EIF2B5: variants seen among roughly 807,000 people sequenced by gnomAD.
The protein encoded by EIF2B5 is translation initiation factor eIF2B subunit epsilon.
In EIF2B5, 38 loss-of-function variants were observed where a neutral mutation model predicts 87.3. The ratio of observed to expected loss-of-function variants is 0.44; its 90% confidence interval spans 0.34 to 0.57. EIF2B5 has a LOEUF of 0.57. Among genes scored for constraint, EIF2B5 ranks in the 20% least tolerant of loss-of-function variants. EIF2B5 has a pLI of 0.02. For missense variants in EIF2B5, 784 were observed against 909.5 expected (o/e 0.86, Z 1.78); for synonymous variants, 313 against 339.6 (o/e 0.92, Z 0.86).
Position 184,144,668 on chromosome 3 carries a change from T to TA in EIF2B5, c.2068dup (p.Thr690AsnfsTer3). 4 of 1,614,112 alleles carry TA rather than the reference T, an allele frequency of 2.5e-6. No homozygotes were observed. The highest frequency in any genetic ancestry group is 3.4e-6 in the Non-Finnish European group (4 of 1,180,008). ...TTCTGAGCTGGTTCAGCCAAAGAGATACAACTGACAAGGGCCAGCAGTTGC... is the reference window on the plus strand; with the variant it reads ...TTCTGAGCTGGTTCAGCCAAAGAGATAACAACTGACAAGGGCCAGCAGTTGC... On this transcript the variant is annotated frameshift_variant, in exon 15 of 16. Coordinates refer to ENST00000648915, the MANE Select transcript of EIF2B5 (RefSeq NM_003907.3). LOFTEE classifies it high-confidence loss of function.
intron 7 of EIF2B5, among the ~76,000 whole-genome samples, chr3:184,141,530 T>C (rs567825124): frequency 3.3e-5 from 5 of 152,142 alleles, no homozygotes; most frequent in Admixed American, 3.3e-4. Flanking sequence ...ATCATACTAC[T>C]GCACTCCAGC....
intron 5 of EIF2B5, among the ~76,000 whole-genome samples, chr3:184,139,501 G>C (rs1489942323): frequency 2.0e-5 from 3 of 146,810 alleles, no homozygotes; most frequent in Non-Finnish European, 4.5e-5. Flanking sequence ...GGCTGGTCTC[G>C]AACTCCCAAC....
rs777430269 is a variant in EIF2B5, at chr3:184,138,261, G to A, written c.765+15G>A. On this transcript the variant is annotated intron_variant, in intron 5 of 15. Coordinates refer to ENST00000648915, the MANE Select transcript of EIF2B5 (RefSeq NM_003907.3). ...GTTCTCCTCAGGTGAGCTCTTTAGG[G>A]CTGGGGCTGCACACCCAAAGAGTAG... The A allele has an allele frequency of 6.2e-7, 1 of 1,612,044 alleles. No homozygotes were observed. The highest frequency in any genetic ancestry group is 8.5e-7 in the Non-Finnish European group (1 of 1,178,962).
chr3:184,142,856 G>C lies in EIF2B5; in HGVS notation c.1624G>C (p.Gly542Arg). 1 of 1,614,046 alleles carries C rather than the reference G, an allele frequency of 6.2e-7. No homozygotes were observed. The highest frequency in any genetic ancestry group is 2.2e-5 in the East Asian group (1 of 44,886). Residue 542 changes from glycine (G) to arginine (R), a missense_variant, in exon 11 of 16, where the codon GGA becomes CGA. Physicochemically the swap from Gly to Arg is moderately radical, Grantham distance 125 (BLOSUM62 -2). This residue lies in a region of EIF2B5 where 660 missense variants were observed against 789.5 expected (regional missense o/e 0.84). Coordinates refer to ENST00000648915, the MANE Select transcript of EIF2B5 (RefSeq NM_003907.3). This position sits in a 1 kb window ranked among gnomAD's most constrained non-coding sequence, Gnocchi z 5.0. ...SMDSEEPDSR[G>R]GSPQMDDIKV... ...GGATTCTGAGGAGCCGGACAGCCGG[G>C]GAGGCTCCCCTCAGATGGATGACAT...
rs768424049 is a variant in EIF2B5 at position 184,135,382 on chromosome 3, G to A, written c.-4G>A. On this transcript the variant is annotated 5_prime_UTR_variant, in exon 1 of 16. Transcript: ENST00000648915. Reference sequence around the variant, plus strand: ...TGCGGAAGTGGTGACCGTGAGAGAAGAAGATGGCGGCCCCTGTAGTGGCGC... The same window carrying A: ...TGCGGAAGTGGTGACCGTGAGAGAAAAAGATGGCGGCCCCTGTAGTGGCGC... 2 of 1,575,790 alleles carry A rather than the reference G, an allele frequency of 1.3e-6. No individual in the cohort carries two copies. The highest frequency in any genetic ancestry group is 2.3e-5 in the East Asian group (1 of 43,830).
At position 184,140,063 on chromosome 3, in the gene EIF2B5, C is replaced by T; in HGVS notation, c.766-17C>T. The stretch of plus-strand genomic sequence containing the variant: ...GAATAGTACTTAATTCTAGCCCACT[C>T]CACTTCCCTTCCACAGGTGGCACAA... On this transcript the variant is annotated splice_polypyrimidine_tract_variant and intron_variant, in intron 5 of 15. Coordinates refer to ENST00000648915, the MANE Select transcript of EIF2B5 (RefSeq NM_003907.3). 6.2e-7 allele frequency: 1 copy of T among 1,605,810 alleles called. No homozygotes were observed. Among genetic ancestry groups the T allele is most frequent in the Middle Eastern group, 1.7e-4 (1 of 6,006 alleles).
intron 5 of EIF2B5, among the ~76,000 whole-genome samples, chr3:184,139,298 T>TTG (rs1713512840): frequency 7.2e-6 from 1 of 139,652 alleles, no homozygotes; most frequent in Non-Finnish European, 1.5e-5. Context: ...TTTTTTTTTT[T>TTG]GAGTCGGAGT....
rs751795344 is a variant in EIF2B5 at position 184,140,685 on chromosome 3, A to C, written c.1111A>C (p.Asn371His). 2.5e-6 allele frequency: 4 copies of C among 1,614,142 alleles called. No individual in the cohort carries two copies. The South Asian group carries it at 4.4e-5, about 18-fold the overall frequency. Reference sequence around the variant, plus strand: ...GGGCTCTGGCACTGTCATTGGCAGCAATTGCTTTATCACCAACAGTGTCAT... The same window carrying C: ...GGGCTCTGGCACTGTCATTGGCAGCCATTGCTTTATCACCAACAGTGTCAT... ...LLGSGTVIGS[N>H]CFITNSVIGP... The change falls in exon 7 of 16, where the codon AAT becomes CAT. Residue 371 changes from asparagine to histidine, a missense_variant. Physicochemically the swap from Asn to His is moderately conservative, Grantham distance 68. This residue lies in a region of EIF2B5 where 660 missense variants were observed against 789.5 expected (regional missense o/e 0.84). Transcript: ENST00000648915.
At chr3:184,138,401 G>A (rs1224638928) in intron 5 of EIF2B5, among the ~76,000 whole-genome samples, 155 bp downstream of exon 5, 3 of 152,102 alleles carry the variant, frequency 2.0e-5, no homozygotes, top group African/African-American at 7.2e-5. Context: ...CTGTTGCCCA[G>A]GCTGGAGTGC....
At chr3:184,143,649 A>T in intron 13 of EIF2B5, 84 bp downstream of exon 13, 1 of 1,600,922 alleles carries the variant, frequency 6.2e-7, no homozygotes, top group Non-Finnish European at 8.5e-7. Flanking sequence ...TATTGGGTGT[A>T]TGTCACTTCT....
intron 5 of EIF2B5, chr3:184,138,924 A>G: frequency 3.6e-6 from 1 of 280,438 alleles, no homozygotes; most frequent in Non-Finnish European, 7.1e-6. Flanking sequence ...AGCCTTCCAA[A>G]ATGCTGGGAT....
chr3:184,140,417 G>C lies in EIF2B5; in HGVS notation c.844-1G>C. 6.2e-7 allele frequency: 1 copy of C among 1,614,076 alleles called. No individual in the cohort carries two copies. The highest frequency in any genetic ancestry group is 8.5e-7 in the Non-Finnish European group (1 of 1,180,016). On this transcript the variant is annotated splice_acceptor_variant, in intron 6 of 15. Transcript: ENST00000648915. LOFTEE classifies it high-confidence loss of function. ...GTGACCTCCCTTTCCTTCTCATTCA[G>C]ATCCTAGGGAACCAGATCCACATGC...
At position 184,137,802 on chromosome 3, in the gene EIF2B5, A is replaced by T; in HGVS notation, c.503A>T (p.His168Leu). 6.2e-7 allele frequency: 1 copy of T among 1,614,216 alleles called. No individual in the cohort carries two copies. Among genetic ancestry groups the T allele is most frequent in the Non-Finnish European group, 8.5e-7 (1 of 1,180,048 alleles). The change falls in exon 3 of 16, where the codon CAC (histidine) becomes CTC (leucine). Residue 168 changes from histidine (H) to leucine (L), a missense_variant. By Grantham distance (99) the His-to-Leu change is moderately conservative. Coordinates refer to ENST00000648915, the MANE Select transcript of EIF2B5 (RefSeq NM_003907.3). Reference protein sequence around the residue: ...NINITRALEEHRLRRKLEKNV... With the variant: ...NINITRALEELRLRRKLEKNV... ...AATATCACCAGAGCCCTTGAGGAACACAGGTCAGGATGGGAAAATGACAGG... is the reference window on the plus strand; with the variant it reads ...AATATCACCAGAGCCCTTGAGGAACTCAGGTCAGGATGGGAAAATGACAGG...
At chr3:184,135,885 C>A (rs1409449605) in intron 1 of EIF2B5, 2 of 457,082 alleles carry the variant, frequency 4.4e-6, no homozygotes, top group African/African-American at 4.0e-5. Flanking sequence ...GAGGCTGCGC[C>A]GCTTTTAACC....
rs773399834 is a variant in EIF2B5 at position 184,135,456 on chromosome 3, C to G, written c.71C>G (p.Pro24Arg). 9 of 1,580,138 alleles carry G rather than the reference C, an allele frequency of 5.7e-6. No individual in the cohort carries two copies. Among genetic ancestry groups the G allele is most frequent in the African/African-American group, 1.3e-5 (1 of 74,776 alleles). The change falls in exon 1 of 16, where the codon CCG becomes CGG. Residue 24 changes from proline to arginine, a missense_variant. Around this residue, in one of 3 missense-constraint regions of EIF2B5, gnomAD observed 117 missense variants for 101.0 expected, o/e 1.16. Coordinates refer to ENST00000648915, the MANE Select transcript of EIF2B5 (RefSeq NM_003907.3). ...GCTAACAAGCGCAGCGGCGCGGGGC[C>G]GGGAGGCAGCGGTGGCGGGGGAGCC... Reference protein sequence around the residue: ...SRANKRSGAGPGGSGGGGARG... With the variant: ...SRANKRSGAGRGGSGGGGARG...
chr3:184,144,848 C>A, intron 15 of EIF2B5, 36 bp from the exon 16 acceptor site: 1 of 1,609,990 alleles, frequency 6.2e-7, no homozygotes, highest in South Asian at 1.1e-5. Context: ...GTTATGTGCA[C>A]CTCCCCCAGC....
Position 184,142,804 on chromosome 3 carries a change from GAGTGAA to G in EIF2B5, c.1584_1589del (p.Ser529_Glu530del), listed in dbSNP as rs1312792164. 2 of 1,613,932 alleles carry G rather than the reference GAGTGAA, an allele frequency of 1.2e-6. No homozygotes were observed. The highest frequency in any genetic ancestry group is 8.5e-7 in the Non-Finnish European group (1 of 1,180,010). On this transcript the variant is annotated inframe_deletion, in exon 11 of 16. Coordinates refer to ENST00000648915, the MANE Select transcript of EIF2B5 (RefSeq NM_003907.3). This position sits in a 1 kb window ranked among gnomAD's most constrained non-coding sequence, Gnocchi z 5.0. ...GACTCAAGATCAACATGGAAGAAGAGAGTGAAAGTGAAAGTGAGCAAAGTATGGATT... is the reference window on the plus strand; with the variant it reads ...GACTCAAGATCAACATGGAAGAAGAGAGTGAAAGTGAGCAAAGTATGGATT...
chr3:184,142,362 C>A lies in EIF2B5; in HGVS notation c.1428C>A (p.Asp476Glu), dbSNP rs74478773. The change falls in exon 9 of 16, where the codon GAC becomes GAA. Residue 476 changes from aspartate (D) to glutamate (E), a missense_variant. Around this residue, in one of 3 missense-constraint regions of EIF2B5, gnomAD observed 660 missense variants for 789.5 expected, o/e 0.84. Coordinates refer to ENST00000648915, the MANE Select transcript of EIF2B5 (RefSeq NM_003907.3). The surrounding 1 kb of genome is among the most constrained non-coding windows in gnomAD (Gnocchi z 5.0). ...SDDSGADQEK[D>E]KVKMKGYNPA... ...ATTCTGGGGCTGACCAAGAAAAGGACAAAGTGAAGATGAAAGGTGTGAGAC... is the reference window on the plus strand; with the variant it reads ...ATTCTGGGGCTGACCAAGAAAAGGAAAAAGTGAAGATGAAAGGTGTGAGAC... 9 of 1,613,978 alleles carry A rather than the reference C, an allele frequency of 5.6e-6. No individual in the cohort carries two copies. The highest frequency in any genetic ancestry group is 1.6e-4 in the Middle Eastern group (1 of 6,084).
At chr3:184,138,312 C>T (rs1023042700) in intron 5 of EIF2B5, 66 bp downstream of exon 5, 1 of 1,355,000 alleles carries the variant, frequency 7.4e-7, no homozygotes, top group Non-Finnish European at 1.1e-6. Context: ...TTATTGTCCC[C>T]TTAGAAGGCC....
Sources: gnomAD v4.1 joint callset for allele counts (sites outside exome capture counted in the v4.1 genomes callset) on GRCh38, gnomAD v4.1.1 for gene constraint, gnomAD v4.1.1 regional missense constraint, Gnocchi (gnomAD v3.1) non-coding constraint, MANE v1.5 for transcripts, NCBI Gene and HGNC (gene_info 2026-07-23, HGNC 2026-07-21) for gene names.